The following COL19A1 variants were observed in gnomAD, a reference collection of about 807,000 sequenced individuals.
COL19A1 encodes collagen type XIX alpha 1 chain, also known as collagen alpha-1(XIX) chain.
COL19A1 carries 159 observed loss-of-function variants against 190.2 expected under a neutral mutation model. The ratio of observed to expected loss-of-function variants is 0.84; its 90% CI spans 0.73 to 0.95. The LOEUF (loss-of-function observed/expected upper bound fraction) is 0.95, where lower values mean the gene tolerates loss of function less well. COL19A1 is among the 40% of genes least tolerant of loss of function. The pLI is 0.00. For missense variants in COL19A1, 1,418 were observed against 1,431.9 expected, an observed-to-expected ratio of 0.99 and a Z score of 0.16; for synonymous variants, 509 against 458.9, an observed-to-expected ratio of 1.11 and a Z score of -1.39.
chr6:69,950,674 CCACACACACACACACACA>C (rs56757599), intron 9 of COL19A1, among the ~76,000 whole-genome samples: 5 of 136,138 alleles, frequency 3.7e-5, no homozygotes, highest in Admixed American at 7.5e-5. Context: ...ATGAATGCAG[CCACACACACACACACACA>C]CACACACACA....
chr6:70,091,150 G>A (rs1182979767), intron 15 of COL19A1, among the ~76,000 whole-genome samples: 12 of 152,100 alleles, frequency 7.9e-5, no homozygotes, highest in Admixed American at 7.9e-4. Context: ...GATGCAATAA[G>A]TATAGCCTAG....
At chr6:70,090,506 T>C (rs1325869427) in intron 15 of COL19A1, among the ~76,000 whole-genome samples, 1 of 152,156 alleles carries the variant, frequency 6.6e-6, no homozygotes, top group Admixed American at 6.6e-5. Flanking sequence ...GCTATGAATT[T>C]TGGTATTGGA....
chr6:70,151,445 T>A lies in COL19A1; in HGVS notation c.2079+7T>A. 1 of 1,611,598 alleles carries A rather than the reference T, an allele frequency of 6.2e-7. No individual in the cohort carries two copies. The highest frequency in any genetic ancestry group is 8.5e-7 in the Non-Finnish European group (1 of 1,178,440). ...CATCGGTGCTTTGCTCAAGGTACTC[T>A]ATTGCTATGTAAGAAATTATGTGTT... On this transcript the variant is annotated splice_region_variant and intron_variant, in intron 31 of 50. Coordinates refer to ENST00000620364, the MANE Select transcript of COL19A1 (RefSeq NM_001858.6).
At chr6:70,137,588 T>C in intron 18 of COL19A1, 97 bp from the exon 19 acceptor site, 1 of 1,090,744 alleles carries the variant, frequency 9.2e-7, no homozygotes. Flanking sequence ...ATAAATTGTA[T>C]AGTTAGCAGG....
chr6:70,125,126 G>A (rs1785118124), intron 17 of COL19A1, among the ~76,000 whole-genome samples: 1 of 152,182 alleles, frequency 6.6e-6, no homozygotes, highest in Non-Finnish European at 1.5e-5. Context: ...GTGCCAGATG[G>A]TCTGACTGTA....
At chr6:70,034,434 T>G (rs1270286832) in intron 13 of COL19A1, 136 bp downstream of exon 13, 2 of 655,872 alleles carry the variant, frequency 3.0e-6, no homozygotes, top group African/African-American at 1.8e-5. Context: ...TAATAGCATC[T>G]GAATAAGAAC....
rs1768213420 is a variant in COL19A1 at position 70,211,614 on chromosome 6, T to C, written c.*4340T>C. On this transcript the variant is annotated 3_prime_UTR_variant, in exon 51 of 51. Coordinates refer to ENST00000620364, the MANE Select transcript of COL19A1 (RefSeq NM_001858.6). ...AGTCCATTGAATTGTGTTCATTTAT[T>C]AGTTGGCTGGTTAAGATAGCATTAA... Among the ~76,000 whole-genome samples, 1 of 150,634 alleles carries C rather than the reference T, an allele frequency of 6.6e-6. No individual in the cohort carries two copies. Among genetic ancestry groups the C allele is most frequent in the Non-Finnish European group, 1.5e-5 (1 of 67,766 alleles).
chr6:70,141,031 T>C (rs1299892838), intron 20 of COL19A1, 42 bp downstream of exon 20: 2 of 1,546,924 alleles, frequency 1.3e-6, no homozygotes, highest in Non-Finnish European at 1.8e-6. Context: ...TTCTACTTCA[T>C]TGATTTGTTT....
chr6:70,123,163 T>A (rs1373647093), intron 17 of COL19A1, among the ~76,000 whole-genome samples: 5 of 152,106 alleles, frequency 3.3e-5, no homozygotes, highest in Admixed American at 1.3e-4. Flanking sequence ...GAACAGACAC[T>A]TCTCAAAAGA....
Position 70,142,079 on chromosome 6 carries a change from A to G in COL19A1, c.1572+3A>G. The G allele has an allele frequency of 6.2e-7, 1 of 1,610,584 alleles. No homozygotes were observed. Among genetic ancestry groups the G allele is most frequent in the Non-Finnish European group, 8.5e-7 (1 of 1,177,908 alleles). ...TAATAGGAAGCCCAGGACTAAAGGT[A>G]TATAAGAAATAACTAAGATTTCTTG... On this transcript the variant is annotated splice_donor_region_variant and intron_variant, in intron 22 of 50. Coordinates refer to ENST00000620364, the MANE Select transcript of COL19A1 (RefSeq NM_001858.6).
chr6:70,207,386 T>C lies in COL19A1; in HGVS notation c.*112T>C. The C allele has an allele frequency of 1.0e-6, 1 of 978,504 alleles. No homozygotes were observed. Among genetic ancestry groups the C allele is most frequent in the Non-Finnish European group, 1.4e-6 (1 of 719,998 alleles). 60.6% of individuals were successfully genotyped at this position (978,504 alleles called of 1,614,324 possible). A position where few individuals can be genotyped will look rare whatever the true frequency, so the allele number is the denominator to read the frequency against. Reference sequence around the variant, plus strand: ...TTGCTTTTTTTTTTTTTTTTTTTTTTTGGGAGTAAGCCAGGCATTAAAAGC... The same window carrying C: ...TTGCTTTTTTTTTTTTTTTTTTTTTCTGGGAGTAAGCCAGGCATTAAAAGC... On this transcript the variant is annotated 3_prime_UTR_variant, in exon 51 of 51. Transcript: ENST00000620364.
chr6:70,150,083 A>G (rs1298757393), intron 30 of COL19A1, 38 bp downstream of exon 30: 8 of 1,609,164 alleles, frequency 5.0e-6, no homozygotes, highest in Non-Finnish European at 5.9e-6. Flanking sequence ...TGTATCTTAA[A>G]TGCACCCAGA....
At chr6:70,163,665 T>TA (rs537345580) in intron 36 of COL19A1, among the ~76,000 whole-genome samples, 50 of 152,292 alleles carry the variant, frequency 3.3e-4, no homozygotes, top group Non-Finnish European at 5.6e-4. Flanking sequence ...GGCAACCATC[T>TA]ATGTGGAAGG....
intron 31 of COL19A1, among the ~76,000 whole-genome samples, chr6:70,152,242 A>G (rs1245998392): frequency 1.3e-5 from 2 of 152,108 alleles, no homozygotes; most frequent in Non-Finnish European, 2.9e-5. Context: ...ACACACACAC[A>G]CGCACACACA....
chr6:70,004,374 A>G (rs780439064), intron 11 of COL19A1, among the ~76,000 whole-genome samples: 20 of 152,216 alleles, frequency 1.3e-4, no homozygotes, highest in African/African-American at 2.9e-4. Flanking sequence ...CTCAAGGGGT[A>G]TCTTAGTGGC....
At chr6:70,029,637 G>T (rs1778922335) in intron 12 of COL19A1, among the ~76,000 whole-genome samples, 1 of 152,136 alleles carries the variant, frequency 6.6e-6, no homozygotes, top group Non-Finnish European at 1.5e-5. Context: ...TTACTGATGT[G>T]TTTCTCAGAG....
intron 9 of COL19A1, among the ~76,000 whole-genome samples, chr6:69,957,870 T>A (rs1178871908): frequency 6.6e-6 from 1 of 152,160 alleles, no homozygotes; most frequent in Non-Finnish European, 1.5e-5. Context: ...CTTCTTCTGT[T>A]GACATAAGGT....
At chr6:70,109,843 T>TC (rs1228653185) in intron 16 of COL19A1, among the ~76,000 whole-genome samples, 1 of 152,086 alleles carries the variant, frequency 6.6e-6, no homozygotes, top group Non-Finnish European at 1.5e-5. Context: ...CTTTTCTTTT[T>TC]CCCCACAGCT....
At chr6:70,169,337 G>A (rs1765364003) in intron 40 of COL19A1, among the ~76,000 whole-genome samples, 1 of 152,066 alleles carries the variant, frequency 6.6e-6, no homozygotes, top group Non-Finnish European at 1.5e-5. Flanking sequence ...TCTTTTTCAA[G>A]CATATCCTTC....
Sources: allele counts gnomAD v4.1 joint callset (sites outside exome capture counted in the v4.1 genomes callset), GRCh38; gene constraint gnomAD v4.1.1; transcripts MANE v1.5; gene names NCBI Gene and HGNC (gene_info 2026-07-23, HGNC 2026-07-21).